Variants in RAB3GAP1 observed in about 807,000 individuals in gnomAD.
RAB3GAP1 encodes the protein rab3 GTPase-activating protein catalytic subunit.
A neutral mutation model predicts 130.7 loss-of-function variants in RAB3GAP1; 86 were observed. That is an observed-to-expected ratio of 0.66 (90% CI 0.55 to 0.79). The LOEUF (loss-of-function observed/expected upper bound fraction) is 0.79. RAB3GAP1 is among the 30% of genes least tolerant of loss of function. The pLI is 0.00. For missense variants in RAB3GAP1, 1,029 were observed against 1,169.4 expected (o/e 0.88, Z 1.75); for synonymous variants, 367 against 401.7 (o/e 0.91, Z 1.03).
At chr2:135,128,231 G>A (rs1396545538) in intron 11 of RAB3GAP1, among the ~76,000 whole-genome samples, 1 of 152,100 alleles carries the variant, frequency 6.6e-6, no homozygotes, top group East Asian at 1.9e-4. Flanking sequence ...AGGGTGTTAG[G>A]GCAACAGTAT....
At chr2:135,058,914 AATT>A (rs1689093456) in intron 3 of RAB3GAP1, 1 of 152,144 alleles carries the variant, frequency 6.6e-6, no homozygotes, top group Non-Finnish European at 1.5e-5. Context: ...ATAGTAATTT[AATT>A]ATAATTTACC....
intron 3 of RAB3GAP1, among the ~76,000 whole-genome samples, chr2:135,085,858 C>A (rs145426075): frequency 6.6e-6 from 1 of 152,130 alleles, no homozygotes; most frequent in Non-Finnish European, 1.5e-5. Context: ...AATGTATATA[C>A]CCATGTTACC....
chr2:135,085,670 T>C (rs750066115), intron 3 of RAB3GAP1, among the ~76,000 whole-genome samples: 9 of 152,212 alleles, frequency 5.9e-5, no homozygotes, highest in Non-Finnish European at 8.8e-5. Context: ...CATTACTGTC[T>C]TTTCTTTAGG....
intron 17 of RAB3GAP1, among the ~76,000 whole-genome samples, chr2:135,143,018 T>C (rs1254114292): frequency 6.6e-6 from 1 of 152,064 alleles, no homozygotes; most frequent in African/African-American, 2.4e-5. Context: ...TTTTACTTCT[T>C]CTTCAAATGT....
intron 10 of RAB3GAP1, 77 bp downstream of exon 10, chr2:135,126,326 T>TA: frequency 8.7e-7 from 1 of 1,154,500 alleles, no homozygotes; most frequent in South Asian, 1.3e-5. Flanking sequence ...TAGTAATTTT[T>TA]ATATGCATTT....
At chr2:135,144,001 G>T (rs548072427) in intron 17 of RAB3GAP1, among the ~76,000 whole-genome samples, 1 of 152,076 alleles carries the variant, frequency 6.6e-6, no homozygotes, top group African/African-American at 2.4e-5. Flanking sequence ...CACTTTGCCC[G>T]CTGGGGCCCT....
intron 2 of RAB3GAP1, 95 bp downstream of exon 2, chr2:135,052,580 TGTGCGGGAACGGTAATACC>T: frequency 6.9e-7 from 1 of 1,442,634 alleles, no homozygotes; most frequent in Non-Finnish European, 9.7e-7. Context: ...TGACGCCACT[TGTGCGGGAACGGTAATACC>T]GTGGGTCCCG....
At chr2:135,065,785 T>C (rs1689303464) in intron 3 of RAB3GAP1, among the ~76,000 whole-genome samples, 1 of 150,334 alleles carries the variant, frequency 6.7e-6, no homozygotes, top group Admixed American at 6.6e-5. Flanking sequence ...TTTTTTTTTT[T>C]TTTTGAGACG....
Position 135,058,069 on chromosome 2 carries a change from G to A in RAB3GAP1, c.133G>A (p.Gly45Arg), listed in dbSNP as rs1430768930. 2 of 1,612,118 alleles carry A rather than the reference G, an allele frequency of 1.2e-6. No homozygotes were observed. Among genetic ancestry groups the A allele is most frequent in the Admixed American group, 3.3e-5 (2 of 60,010 alleles). The part of the protein sequence containing the change: ...NDWKLIGNSL[G>R]KPLEKGIFTS... ...CTGGAAACTGATTGGAAACTCTTTG[G>A]GAAAGCCACTCGAAAAGGTCAGATC... Residue 45 changes from glycine (G) to arginine (R), a missense_variant, in exon 3 of 24, where the codon GGA becomes AGA. This residue lies in a region of RAB3GAP1 where 510 missense variants were observed against 532.1 expected (regional missense o/e 0.96). Coordinates refer to ENST00000264158, the MANE Select transcript of RAB3GAP1 (RefSeq NM_012233.3).
chr2:135,160,586 A>G (rs1427013079), intron 19 of RAB3GAP1, among the ~76,000 whole-genome samples: 1 of 150,392 alleles, frequency 6.6e-6, no homozygotes, highest in Non-Finnish European at 1.5e-5. Flanking sequence ...AGGCAGGAGA[A>G]TCGCTTGAGC....
downstream of RAB3GAP1, among the ~76,000 whole-genome samples, chr2:135,174,768 G>A (rs138703668): frequency 6.6e-6 from 1 of 152,312 alleles, no homozygotes; most frequent in Non-Finnish European, 1.5e-5. Flanking sequence ...AATATTTTTA[G>A]AGTGTGAATT....
At position 135,081,349 on chromosome 2, in the gene RAB3GAP1, T is replaced by TAC. The variant is rs1358897690; in HGVS notation, c.151-9648_151-9647insCA. Among the ~76,000 whole-genome samples the TAC allele has an allele frequency of 6.1e-4, 57 of 93,248 alleles. 1 individual carries two copies. The highest frequency in any genetic ancestry group is 3.1e-3 in the African/African-American group (54 of 17,398). 61.2% of individuals were successfully genotyped at this position (93,248 alleles called of 152,430 possible). A position where few individuals can be genotyped will look rare whatever the true frequency, so the allele number is the denominator to read the frequency against. On this transcript the variant is annotated intron_variant, in intron 3 of 23. Transcript: ENST00000264158. Reference sequence around the variant, plus strand: ...AAAAATATATATATATATATATATATATATATATATATACACACACGTGTG... The same window carrying TAC: ...AAAAATATATATATATATATATATATACATATATATATATACACACACGTGTG...
In RAB3GAP1 at chr2:135,164,518, T is replaced by G. The variant is rs572767772; in HGVS notation, c.2607-76T>G. ...CAGCTTGAGGATTTGTCCACAAAAC[T>G]CCTGTGGGAGGATGGACGCCCAGTG... On this transcript the variant is annotated intron_variant, in intron 22 of 23. Transcript: ENST00000264158. The G allele has an allele frequency of 5.0e-4, 585 of 1,160,558 alleles. 14 individuals carry two copies. In the South Asian group the frequency reaches 7.0e-3, roughly 14 times the overall value. 71.9% of individuals were successfully genotyped at this position (1,160,558 alleles called of 1,614,324 possible).
At chr2:135,148,188 A>G (rs919717874) in intron 17 of RAB3GAP1, among the ~76,000 whole-genome samples, 1 of 152,204 alleles carries the variant, frequency 6.6e-6, no homozygotes, top group African/African-American at 2.4e-5. Context: ...TATGATCATT[A>G]TAAGTGTACT....
At chr2:135,126,076 T>A in intron 9 of RAB3GAP1, 105 bp from the exon 10 acceptor site, 1 of 827,806 alleles carries the variant, frequency 1.2e-6, no homozygotes, top group Non-Finnish European at 2.0e-6. Context: ...TTATAAATAA[T>A]GCCACTGTAA....
chr2:135,103,332 C>T (rs1690506893), intron 5 of RAB3GAP1, among the ~76,000 whole-genome samples: 1 of 152,036 alleles, frequency 6.6e-6, no homozygotes, highest in African/African-American at 2.4e-5. Flanking sequence ...CCACCGTGCC[C>T]AGCCTTATTT....
intron 3 of RAB3GAP1, among the ~76,000 whole-genome samples, chr2:135,088,219 C>T (rs1206096569): frequency 4.6e-5 from 7 of 152,270 alleles, no homozygotes; most frequent in African/African-American, 1.7e-4. Context: ...TCTGGACTTT[C>T]TTTTACCTAG....
At chr2:135,109,484 G>A (rs1330454821) in intron 5 of RAB3GAP1, among the ~76,000 whole-genome samples, 1 of 151,690 alleles carries the variant, frequency 6.6e-6, no homozygotes, top group East Asian at 1.9e-4. Context: ...GAATGGTTTT[G>A]TAGCATAGAT....
At chr2:135,139,547 TAAAA>T (rs879738066) in intron 17 of RAB3GAP1, among the ~76,000 whole-genome samples, 2 of 140,426 alleles carry the variant, frequency 1.4e-5, no homozygotes, top group Non-Finnish European at 3.1e-5. Flanking sequence ...TCTCAAAAAT[TAAAA>T]AAAAAAAAAA....
Sources: allele counts gnomAD v4.1 joint callset (sites outside exome capture counted in the v4.1 genomes callset), GRCh38; gene constraint gnomAD v4.1.1; regional missense constraint gnomAD v4.1.1; transcripts MANE v1.5; gene names NCBI Gene and HGNC (gene_info 2026-07-23, HGNC 2026-07-21).